The following MPP7 variants were observed in gnomAD, a reference collection of about 807,000 sequenced individuals.
MPP7 encodes the protein MAGUK p55 subfamily member 7.
Under a neutral mutation model 76.5 loss-of-function variants are expected in MPP7, and 60 were observed. That is an observed-to-expected ratio of 0.78 (90% CI 0.64 to 0.97). The LOEUF (loss-of-function observed/expected upper bound fraction) is 0.97, where lower values mean the gene tolerates loss of function less well. Ranked by LOEUF, MPP7 falls within the 50% of genes least tolerant of loss-of-function variation. The pLI, the probability that MPP7 is intolerant of heterozygous loss-of-function variation, is 0.00. For synonymous variants in MPP7, 237 were observed against 244.5 expected (o/e 0.97, Z 0.29); for missense variants, 641 against 694.0 (o/e 0.92, Z 0.86).
rs573425260 is a variant in MPP7 at position 28,118,822 on chromosome 10, G to C, written c.952+829C>G. 4 of 985,416 alleles carry C rather than the reference G, an allele frequency of 4.1e-6. No homozygotes were observed. In the East Asian group the frequency reaches 3.4e-4, roughly 84 times the overall value. 61.0% of individuals were successfully genotyped at this position (985,416 alleles called of 1,614,324 possible). On this transcript the variant is annotated intron_variant, in intron 11 of 16. Transcript: ENST00000683449. ...CTTCTGCAAACTGACAGAAATCACA[G>C]GAGATGTGAAAAATGCAACAATACT... is the stretch of plus-strand genomic sequence containing the variant.
At chr10:28,219,154 A>G (rs138792503) in intron 2 of MPP7, among the ~76,000 whole-genome samples, 158 of 152,376 alleles carry the variant, frequency 1.0e-3, no homozygotes, top group African/African-American at 3.6e-3. Context: ...GAACAAATAT[A>G]ACTTATTGCT....
At chr10:28,168,286 T>G (rs980123776) in intron 3 of MPP7, among the ~76,000 whole-genome samples, 9 of 152,160 alleles carry the variant, frequency 5.9e-5, no homozygotes, top group Admixed American at 2.6e-4. Flanking sequence ...TTCTGATGTT[T>G]TCTACCCGTT....
intron 2 of MPP7, among the ~76,000 whole-genome samples, chr10:28,232,627 T>G (rs1838927803): frequency 1.3e-5 from 2 of 152,226 alleles, no homozygotes; most frequent in Non-Finnish European, 2.9e-5. Context: ...AAATAAATAT[T>G]CACTTTCAAA....
At chr10:28,316,445 A>T (rs982275890) in intron 2 of MPP7, among the ~76,000 whole-genome samples, 1 of 78,572 alleles carries the variant, frequency 1.3e-5, no homozygotes, top group African/African-American at 7.8e-5. Flanking sequence ...TAAAAAAAAA[A>T]AAAAAAAAAA....
At chr10:28,234,967 T>C (rs1180730611) in intron 2 of MPP7, among the ~76,000 whole-genome samples, 1 of 152,152 alleles carries the variant, frequency 6.6e-6, no homozygotes, top group East Asian at 1.9e-4. Flanking sequence ...CATGCCACTA[T>C]GGCCCTAATT....
intron 12 of MPP7, among the ~76,000 whole-genome samples, chr10:28,078,724 T>C (rs902031188): frequency 1.3e-5 from 2 of 152,232 alleles, no homozygotes; most frequent in East Asian, 1.9e-4. Context: ...TGTGTGTCAA[T>C]TGGATAATTA....
intron 11 of MPP7, among the ~76,000 whole-genome samples, chr10:28,096,227 C>T (rs1262975039): frequency 1.3e-5 from 2 of 152,178 alleles, no homozygotes; most frequent in East Asian, 1.9e-4. Flanking sequence ...CTAGACAGAT[C>T]CTGTCCAAAT....
chr10:28,284,598 C>T (rs1840752539), intron 1 of MPP7, among the ~76,000 whole-genome samples: 1 of 152,206 alleles, frequency 6.6e-6, no homozygotes, highest in African/African-American at 2.4e-5. Flanking sequence ...CCATTTTTTC[C>T]GAAGAAAACT....
chr10:28,067,561 C>T (rs916356307), intron 13 of MPP7, among the ~76,000 whole-genome samples: 14 of 152,110 alleles, frequency 9.2e-5, no homozygotes, highest in African/African-American at 3.4e-4. Context: ...AAAATAACTA[C>T]TTTGGGGATT....
chr10:28,197,575 G>T (rs1232072354), intron 3 of MPP7, among the ~76,000 whole-genome samples: 1 of 152,074 alleles, frequency 6.6e-6, no homozygotes, highest in African/African-American at 2.4e-5. Context: ...GTTGAGTGAG[G>T]TACCTTGTGT....
chr10:28,312,779 A>G (rs987558310), intron 2 of MPP7, among the ~76,000 whole-genome samples: 5 of 152,212 alleles, frequency 3.3e-5, no homozygotes, highest in African/African-American at 9.6e-5. Flanking sequence ...ATCGCAAGCA[A>G]AGTGACTCTT....
chr10:28,122,060 G>T (rs11006885), intron 8 of MPP7, among the ~76,000 whole-genome samples: 16,566 of 152,092 alleles, frequency 0.11, 1,280 homozygotes, highest in East Asian at 0.3. Flanking sequence ...ATTTCAAAAT[G>T]GTAATATCAT....
rs140574201 is a variant in MPP7 at position 28,332,433 on chromosome 10, T to C, written c.-206+1985A>G. ...TCAAAGCATGGGAGTTTTAAAGTTA[T>C]TATTTTACAGTTGGCAGTTTACACA... On this transcript the variant is annotated intron_variant, in intron 1 of 11. Coordinates refer to the MPP7 transcript ENST00000441595. 1.2e-4 allele frequency among the ~76,000 whole-genome samples: 19 copies of C among 152,354 alleles called. No homozygotes were observed. In the East Asian group the frequency reaches 3.7e-3, roughly 29 times the overall value.
chr10:28,316,416 C>T (rs1403331553), intron 2 of MPP7, among the ~76,000 whole-genome samples: 1 of 99,528 alleles, frequency 1.0e-5, no homozygotes, highest in African/African-American at 3.8e-5. Context: ...GCCTGGGCAA[C>T]AGAGTAAGAC....
intron 2 of MPP7, among the ~76,000 whole-genome samples, chr10:28,238,041 C>G (rs1194618543): frequency 6.6e-6 from 1 of 151,618 alleles, no homozygotes; most frequent in African/African-American, 2.4e-5. Flanking sequence ...CTGATAATAA[C>G]ATAAAATATG....
At chr10:28,255,319 G>C (rs1250851972) in intron 1 of MPP7, among the ~76,000 whole-genome samples, 2 of 151,918 alleles carry the variant, frequency 1.3e-5, no homozygotes, top group Admixed American at 1.3e-4. Flanking sequence ...TCACCATGTT[G>C]GCTAGGCTGG....
Position 28,176,340 on chromosome 10 carries a change from A to AAAAACAAAACAAAAC in MPP7, c.156+25798_156+25812dup, listed in dbSNP as rs57735759. On this transcript the variant is annotated intron_variant, in intron 3 of 16. Transcript: ENST00000683449. ...AATCAAAGCCCAGTGCAGTTGGGTC[A>AAAAACAAAACAAAAC]AAAACAAAACAAAACAAAACAAAAC... 3.2e-3 allele frequency among the ~76,000 whole-genome samples: 485 copies of AAAAACAAAACAAAAC among 151,020 alleles called. 1 individual carries two copies. The highest frequency in any genetic ancestry group is 0.011 in the African/African-American group (466 of 40,948).
intron 2 of MPP7, among the ~76,000 whole-genome samples, chr10:28,308,413 G>T (rs1242197036): frequency 1.3e-5 from 2 of 152,210 alleles, no homozygotes; most frequent in African/African-American, 4.8e-5. Context: ...TCTCTAGTGA[G>T]TTTAAGGAGA....
chr10:28,285,040 G>T (rs1840761330), intron 1 of MPP7, among the ~76,000 whole-genome samples: 1 of 152,030 alleles, frequency 6.6e-6, no homozygotes, highest in Non-Finnish European at 1.5e-5. Flanking sequence ...AATTTAGCTT[G>T]GTGTTTCCAA....
Sources: gnomAD v4.1 joint callset for allele counts (sites outside exome capture counted in the v4.1 genomes callset) on GRCh38, gnomAD v4.1.1 for gene constraint, MANE v1.5 for transcripts, NCBI Gene and HGNC (gene_info 2026-07-23, HGNC 2026-07-21) for gene names.